The following C8orf34 variants were observed in gnomAD, a reference collection of about 807,000 sequenced individuals.
The protein encoded by C8orf34 is chromosome 8 open reading frame 34, also known as uncharacterized protein C8orf34.
Under a neutral mutation model 68.3 loss-of-function variants are expected in C8orf34, and 65 were observed. The ratio of observed to expected loss-of-function variants is 0.95; its 90% CI spans 0.78 to 1.17. The LOEUF is 1.17. C8orf34 is among the 50% of genes most tolerant of loss of function. C8orf34 has a pLI of 0.00. For missense variants in C8orf34, 664 were observed against 655.4 expected (o/e 1.01, Z -0.14); for synonymous variants, 244 against 241.2 (o/e 1.01, Z -0.11).
At chr8:68,655,820 A>G (rs2130793847) in intron 8 of C8orf34, among the ~76,000 whole-genome samples, 1 of 152,324 alleles carries the variant, frequency 6.6e-6, no homozygotes, top group African/African-American at 2.4e-5. Context: ...CCCTGTGTTT[A>G]TCAATTATAA....
intron 7 of C8orf34, among the ~76,000 whole-genome samples, chr8:68,551,009 C>T (rs1332324985): frequency 6.6e-6 from 1 of 151,484 alleles, no homozygotes; most frequent in African/African-American, 2.4e-5. Context: ...CATTTTCCTA[C>T]TTAATGTTCT....
intron 1 of C8orf34, among the ~76,000 whole-genome samples, chr8:68,415,483 G>GA (rs1013971319): frequency 1.3e-4 from 19 of 150,340 alleles, no homozygotes; most frequent in Admixed American, 1.2e-3. Context: ...TCCATCTCAG[G>GA]AAAAAAAAGA....
intron 7 of C8orf34, 148 bp downstream of exon 7, chr8:68,533,297 A>T: frequency 7.2e-7 from 1 of 1,381,402 alleles, no homozygotes; most frequent in South Asian, 1.8e-5. Context: ...TTAGACTCAC[A>T]TAAAGTTGCA....
intron 7 of C8orf34, among the ~76,000 whole-genome samples, chr8:68,577,000 A>C (rs1816924164): frequency 6.6e-6 from 1 of 151,974 alleles, no homozygotes; most frequent in South Asian, 2.1e-4. Context: ...AAATATTGGA[A>C]AATGCTTTAA....
At chr8:68,417,503 A>G (rs1338024399) in intron 1 of C8orf34, among the ~76,000 whole-genome samples, 3 of 152,186 alleles carry the variant, frequency 2.0e-5, no homozygotes, top group Non-Finnish European at 4.4e-5. Context: ...TATCTAAAGG[A>G]TATGTTATTA....
At chr8:68,801,082 T>C (rs1171384634) in intron 12 of C8orf34, among the ~76,000 whole-genome samples, 1 of 152,194 alleles carries the variant, frequency 6.6e-6, no homozygotes, top group African/African-American at 2.4e-5. Flanking sequence ...CTTACTGCTT[T>C]TGTTAAAAGC....
intron 1 of C8orf34, among the ~76,000 whole-genome samples, chr8:68,336,738 T>C (rs1376608139): frequency 6.6e-6 from 1 of 152,146 alleles, no homozygotes; most frequent in Non-Finnish European, 1.5e-5. Flanking sequence ...CTCCATTAAG[T>C]AGAACCAGGT....
At chr8:68,663,478 C>T (rs561546417) in intron 8 of C8orf34, among the ~76,000 whole-genome samples, 1 of 152,166 alleles carries the variant, frequency 6.6e-6, no homozygotes, top group South Asian at 2.1e-4. Context: ...CTAAAAAATC[C>T]CGGAGAAAAA....
At chr8:68,418,676 G>A (rs1419000476) in intron 1 of C8orf34, among the ~76,000 whole-genome samples, 6 of 152,172 alleles carry the variant, frequency 3.9e-5, no homozygotes, top group South Asian at 2.1e-4. Context: ...GAATAACACC[G>A]CATATCTACA....
At chr8:68,649,963 A>G (rs913149785) in intron 8 of C8orf34, among the ~76,000 whole-genome samples, 1 of 152,136 alleles carries the variant, frequency 6.6e-6, no homozygotes, top group Non-Finnish European at 1.5e-5. Context: ...ATCTACTCTG[A>G]AAAAAAGTCT....
At chr8:68,786,473 A>G (rs1823849531) in intron 11 of C8orf34, among the ~76,000 whole-genome samples, 1 of 152,224 alleles carries the variant, frequency 6.6e-6, no homozygotes, top group African/African-American at 2.4e-5. Flanking sequence ...TATAATTATT[A>G]CATGGTATGA....
intron 7 of C8orf34, among the ~76,000 whole-genome samples, chr8:68,587,350 C>T (rs568176723): frequency 5.9e-5 from 9 of 152,024 alleles, no homozygotes; most frequent in Admixed American, 3.3e-4. Context: ...AAATTCAATG[C>T]AAATACCTTT....
chr8:68,452,053 TC>T (rs2129627589), intron 3 of C8orf34, among the ~76,000 whole-genome samples: 1 of 152,092 alleles, frequency 6.6e-6, no homozygotes, highest in South Asian at 2.1e-4. Flanking sequence ...ACTACTTCAG[TC>T]CTTTTCGTGG....
At chr8:68,817,900 T>C (rs1824866103) in intron 13 of C8orf34, among the ~76,000 whole-genome samples, 1 of 152,156 alleles carries the variant, frequency 6.6e-6, no homozygotes, top group South Asian at 2.1e-4. Flanking sequence ...GAGACCTCAC[T>C]ATCCTGAGAA....
At chr8:68,741,627 T>C (rs914536640) in intron 10 of C8orf34, among the ~76,000 whole-genome samples, 2 of 152,146 alleles carry the variant, frequency 1.3e-5, no homozygotes, top group Non-Finnish European at 2.9e-5. Flanking sequence ...CCATACTAAC[T>C]TTCCTAGCCT....
At chr8:68,480,193 G>T (rs1022712946) in intron 4 of C8orf34, among the ~76,000 whole-genome samples, 1 of 152,146 alleles carries the variant, frequency 6.6e-6, no homozygotes, top group African/African-American at 2.4e-5. Flanking sequence ...AGCTTTTCCT[G>T]TGCTATTCTC....
chr8:68,663,784 C>G (rs1050238156), intron 8 of C8orf34, among the ~76,000 whole-genome samples: 1 of 152,090 alleles, frequency 6.6e-6, no homozygotes, highest in Non-Finnish European at 1.5e-5. Flanking sequence ...GATAGATGGT[C>G]CCTGACTTAA....
chr8:68,422,644 G>T (rs934497759), intron 1 of C8orf34, among the ~76,000 whole-genome samples: 6 of 152,182 alleles, frequency 3.9e-5, no homozygotes, highest in Non-Finnish European at 7.3e-5. Context: ...TCTGGTGGAT[G>T]GTAGCCCTCT....
intron 1 of C8orf34, among the ~76,000 whole-genome samples, chr8:68,365,165 C>T (rs1270581756): frequency 1.5e-4 from 20 of 133,374 alleles, no homozygotes; most frequent in Non-Finnish European, 3.0e-4. Context: ...ATAAATTCCT[C>T]GACACATACA....
Sources: allele counts gnomAD v4.1 joint callset (sites outside exome capture counted in the v4.1 genomes callset), GRCh38; gene constraint gnomAD v4.1.1; transcripts MANE v1.5; gene names NCBI Gene and HGNC (gene_info 2026-07-23, HGNC 2026-07-21).